RBPJ: variants seen among roughly 807,000 people sequenced by gnomAD.
The protein encoded by RBPJ is recombination signal binding protein for immunoglobulin kappa J region.
Under a neutral mutation model 67.8 loss-of-function variants are expected in RBPJ, and 9 were observed. The ratio of observed to expected loss-of-function variants is 0.13; its 90% CI spans 0.08 to 0.23. The LOEUF is 0.23. Among genes scored for constraint, RBPJ ranks in the 10% least tolerant of loss-of-function variants. The pLI is 1.00. For synonymous variants in RBPJ, 198 were observed against 203.3 expected, an observed-to-expected ratio of 0.97 and a Z score of 0.22; for missense variants, 305 against 595.6, an observed-to-expected ratio of 0.51 and a Z score of 5.08.
chr4:26,307,089 C>T (rs539580495), intron 1 of RBPJ, among the ~76,000 whole-genome samples: 18 of 152,192 alleles, frequency 1.2e-4, no homozygotes, highest in African/African-American at 3.6e-4. Context: ...CACTAACAAT[C>T]GTAAATCCCA....
At chr4:26,316,827 C>CTTTTTTTT (rs56130072), upstream of RBPJ, among the ~76,000 whole-genome samples, 6 of 71,396 alleles carry the variant, frequency 8.4e-5, 1 homozygote, top group African/African-American at 2.2e-4. Context: ...ACCCAGACGA[C>CTTTTTTTT]TTTTTTTTTT....
At chr4:26,383,443 G>T (rs953430747) in intron 1 of RBPJ, among the ~76,000 whole-genome samples, 2 of 152,046 alleles carry the variant, frequency 1.3e-5, no homozygotes, top group African/African-American at 2.4e-5. Context: ...TGGTATGATG[G>T]GTGGCAGCAT....
intron 1 of RBPJ, among the ~76,000 whole-genome samples, chr4:26,372,271 GGGA>G (rs1249533219): frequency 6.6e-6 from 1 of 152,194 alleles, no homozygotes; most frequent in African/African-American, 2.4e-5. Context: ...GGCAAGATGA[GGGA>G]GGAGATCAGT....
At chr4:26,356,930 C>T (rs928011512) in intron 1 of RBPJ, among the ~76,000 whole-genome samples, 1 of 152,030 alleles carries the variant, frequency 6.6e-6, no homozygotes, top group African/African-American at 2.4e-5. Flanking sequence ...AGATATCATT[C>T]GAAGTTGGAA....
intron 1 of RBPJ, among the ~76,000 whole-genome samples, chr4:26,227,964 C>G (rs138935618): frequency 1.2e-3 from 177 of 152,360 alleles, no homozygotes; most frequent in Non-Finnish European, 1.8e-3. Context: ...GTTCCTGCCT[C>G]TGTGCCAGCG....
intron 1 of RBPJ, among the ~76,000 whole-genome samples, chr4:26,299,650 A>T (rs1447727052): frequency 6.6e-6 from 1 of 151,332 alleles, no homozygotes; most frequent in Non-Finnish European, 1.5e-5. Context: ...AGATTTTAAG[A>T]AAAGATAGTT....
At chr4:26,206,027 A>T (rs1482523686) in intron 1 of RBPJ, among the ~76,000 whole-genome samples, 1 of 152,190 alleles carries the variant, frequency 6.6e-6, no homozygotes, top group Non-Finnish European at 1.5e-5. Context: ...ATAGATGAAC[A>T]TGTGGCATAT....
chr4:26,321,157 C>CCGCGGGGGCGGCGT, intron 1 of RBPJ, 109 bp downstream of exon 1: 1 of 624,438 alleles, frequency 1.6e-6, no homozygotes, highest in Non-Finnish European at 2.4e-6. Context: ...GTTCGGGGGC[C>CCGCGGGGGCGGCGT]CGCGGGGGCG....
intron 2 of RBPJ, among the ~76,000 whole-genome samples, chr4:26,391,216 A>G (rs1369142992): frequency 2.0e-5 from 3 of 152,212 alleles, no homozygotes; most frequent in Non-Finnish European, 1.5e-5. Context: ...AAAAGAAAAA[A>G]GAACTTACAC....
At position 26,414,055 on chromosome 4, in the gene RBPJ, G is replaced by A. The variant is rs562455815; in HGVS notation, c.156-1420G>A. Reference sequence around the variant, plus strand: ...CTGGGTTTTCTTATACTAGGATTAAGAAAAGTAAGCCATTTTCTGTACTAA... The same window carrying A: ...CTGGGTTTTCTTATACTAGGATTAAAAAAAGTAAGCCATTTTCTGTACTAA... On this transcript the variant is annotated intron_variant, in intron 3 of 10. Coordinates refer to ENST00000355476, the MANE Select transcript of RBPJ (RefSeq NM_015874.6). 9.2e-5 allele frequency among the ~76,000 whole-genome samples: 14 copies of A among 152,234 alleles called. No individual in the cohort carries two copies. The South Asian group carries it at 2.9e-3, about 32-fold the overall frequency.
chr4:26,309,698 A>G (rs761669163), intron 1 of RBPJ, among the ~76,000 whole-genome samples: 3 of 152,218 alleles, frequency 2.0e-5, no homozygotes, highest in Non-Finnish European at 4.4e-5. Flanking sequence ...ACTGCAATAT[A>G]TGATGCATGA....
At position 26,430,378 on chromosome 4, in the gene RBPJ, T is replaced by C. The variant is rs1183349004; in HGVS notation, c.1045-41T>C. 10 of 1,504,258 alleles carry C rather than the reference T, an allele frequency of 6.6e-6. No homozygotes were observed. Among genetic ancestry groups the C allele is most frequent in the Non-Finnish European group, 9.2e-6 (10 of 1,083,214 alleles). 93.2% of individuals were successfully genotyped at this position (1,504,258 alleles called of 1,614,324 possible). A position where few individuals can be genotyped will look rare whatever the true frequency, so the allele number is the denominator to read the frequency against. ...CTAATTTGTGTACTTTAATGAAAAATGAAAAGTTTTCTCAGTGTTGTGATT... is the reference window on the plus strand; with the variant it reads ...CTAATTTGTGTACTTTAATGAAAAACGAAAAGTTTTCTCAGTGTTGTGATT... On this transcript the variant is annotated intron_variant, in intron 9 of 10. Coordinates refer to ENST00000355476, the MANE Select transcript of RBPJ (RefSeq NM_015874.6). The surrounding 1 kb of genome is among the most constrained non-coding windows in gnomAD (Gnocchi z 4.1).
At chr4:26,230,833 AAGCAT>A (rs1314041967) in intron 1 of RBPJ, among the ~76,000 whole-genome samples, 9 of 152,226 alleles carry the variant, frequency 5.9e-5, no homozygotes, top group Non-Finnish European at 1.3e-4. Context: ...TATAAATGAC[AAGCAT>A]AGCTTTAGGA....
At chr4:26,144,925 A>C in the RBPJ span, among the ~76,000 whole-genome samples, 2 of 152,170 alleles carry the variant, frequency 1.3e-5, no homozygotes, top group Admixed American at 1.3e-4. Flanking sequence ...TGTGCCTTGC[A>C]GACAGAACAG....
At chr4:26,178,968 G>T (rs1449871081) in intron 1 of RBPJ, among the ~76,000 whole-genome samples, 1 of 152,130 alleles carries the variant, frequency 6.6e-6, no homozygotes, top group Non-Finnish European at 1.5e-5. Context: ...TTGTGGTTGG[G>T]CCTCACGTGC....
At chr4:26,124,520 C>A in the RBPJ span, among the ~76,000 whole-genome samples, 5 of 139,874 alleles carry the variant, frequency 3.6e-5, no homozygotes, top group Non-Finnish European at 6.1e-5. Context: ...CATGTTTTTT[C>A]AATTGTGAAT....
At chr4:26,239,089 T>G (rs948303082) in intron 1 of RBPJ, among the ~76,000 whole-genome samples, 1 of 152,164 alleles carries the variant, frequency 6.6e-6, no homozygotes, top group Non-Finnish European at 1.5e-5. Flanking sequence ...AAGCAACGAC[T>G]GCTCAGATAA....
chr4:26,287,730 GAA>G (rs1721530110), intron 1 of RBPJ, among the ~76,000 whole-genome samples: 2 of 146,522 alleles, frequency 1.4e-5, no homozygotes. Context: ...AAGAAAACGA[GAA>G]AGGGAGGGAG....
At chr4:26,339,733 C>A (rs182673729) in intron 1 of RBPJ, among the ~76,000 whole-genome samples, 1 of 151,528 alleles carries the variant, frequency 6.6e-6, no homozygotes. Context: ...TACATTAGAA[C>A]ACTTCTGGTC....
Sources: gnomAD v4.1 joint callset for allele counts (sites outside exome capture counted in the v4.1 genomes callset) on GRCh38, gnomAD v4.1.1 for gene constraint, Gnocchi (gnomAD v3.1) non-coding constraint, MANE v1.5 for transcripts, NCBI Gene and HGNC (gene_info 2026-07-23, HGNC 2026-07-21) for gene names.